The following PHF20 variants were observed in gnomAD, a reference collection of about 807,000 sequenced individuals.
PHF20 encodes the protein glioma-expressed antigen 2.
A neutral mutation model predicts 113.5 loss-of-function variants in PHF20; 23 were observed. The ratio of observed to expected loss-of-function variants is 0.20; its 90% CI spans 0.15 to 0.29. The LOEUF is 0.29. Among genes scored for constraint, PHF20 ranks in the 10% least tolerant of loss-of-function variants. The probability of loss-of-function intolerance (pLI) is 1.00; values close to 1 mark genes in which losing one functional copy is unlikely to be tolerated. For missense variants in PHF20, 943 were observed against 1,219.6 expected, an observed-to-expected ratio of 0.77 and a Z score of 3.38; for synonymous variants, 434 against 457.3, an observed-to-expected ratio of 0.95 and a Z score of 0.65.
chr20:35,907,449 A>G (rs916076666), intron 10 of PHF20, among the ~76,000 whole-genome samples: 1 of 152,190 alleles, frequency 6.6e-6, no homozygotes, highest in African/African-American at 2.4e-5. Context: ...CAGCCAGTAC[A>G]TGCTCTGTGG....
At chr20:35,944,897 C>T (rs750765086) in intron 17 of PHF20, among the ~76,000 whole-genome samples, 6 of 152,116 alleles carry the variant, frequency 3.9e-5, no homozygotes, top group African/African-American at 2.4e-5. Context: ...CTGAACAGTC[C>T]CCTGTCTCCT....
intron 15 of PHF20, among the ~76,000 whole-genome samples, chr20:35,934,339 A>G (rs563683844): frequency 3.5e-4 from 54 of 152,342 alleles, no homozygotes; most frequent in African/African-American, 1.0e-3. Context: ...GACCCCCCAC[A>G]TAGAGGCTCA....
chr20:35,836,275 C>T (rs1307418203), intron 2 of PHF20, among the ~76,000 whole-genome samples: 1 of 152,058 alleles, frequency 6.6e-6, no homozygotes, highest in Non-Finnish European at 1.5e-5. Flanking sequence ...ATCTTGGCCT[C>T]CCAAAGTGCT....
chr20:35,812,555 G>A (rs894462638), intron 2 of PHF20, among the ~76,000 whole-genome samples: 1 of 152,034 alleles, frequency 6.6e-6, no homozygotes, highest in Non-Finnish European at 1.5e-5. Context: ...CTTGTTTCTT[G>A]TATTCTCTTC....
At chr20:35,777,615 A>T (rs187394236) in intron 1 of PHF20, among the ~76,000 whole-genome samples, 68 of 152,342 alleles carry the variant, frequency 4.5e-4, no homozygotes, top group African/African-American at 1.5e-3. Flanking sequence ...CAGGAGTTCA[A>T]GACCAGCCTG....
At chr20:35,877,693 C>T (rs1298488777) in intron 9 of PHF20, among the ~76,000 whole-genome samples, 1 of 151,968 alleles carries the variant, frequency 6.6e-6, no homozygotes, top group Non-Finnish European at 1.5e-5. Flanking sequence ...TCTCCTGCTT[C>T]AGCCTCAGAC....
At chr20:35,901,795 A>G (rs942999384) in intron 10 of PHF20, among the ~76,000 whole-genome samples, 1 of 152,226 alleles carries the variant, frequency 6.6e-6, no homozygotes, top group African/African-American at 2.4e-5. Flanking sequence ...GGACAGAATG[A>G]TGCTTCTGCA....
intron 13 of PHF20, among the ~76,000 whole-genome samples, chr20:35,920,501 CA>C (rs1264765234): frequency 6.6e-6 from 1 of 152,164 alleles, no homozygotes; most frequent in Non-Finnish European, 1.5e-5. Context: ...TTTGGGAAAA[CA>C]AAATTACGAA....
At chr20:35,927,260 G>C (rs1038055900) in intron 13 of PHF20, among the ~76,000 whole-genome samples, 4 of 152,212 alleles carry the variant, frequency 2.6e-5, no homozygotes, top group African/African-American at 9.7e-5. Context: ...TACTCCAGCA[G>C]GGGTCTTAGT....
chr20:35,787,930 A>G (rs1036002804), intron 1 of PHF20, among the ~76,000 whole-genome samples: 3 of 151,564 alleles, frequency 2.0e-5, no homozygotes, highest in African/African-American at 7.3e-5. Context: ...GGCCCTTGGC[A>G]CCACACCCGG....
In PHF20 at chr20:35,931,232, TG is replaced by T. The variant is rs2055746113; in HGVS notation, c.2105-16del. 6.3e-7 allele frequency: 1 copy of T among 1,594,220 alleles called. No homozygotes were observed. Among genetic ancestry groups the T allele is most frequent in the Non-Finnish European group, 8.6e-7 (1 of 1,164,866 alleles). ...CCTTCAGGCCTTGTTTTAACCCTCT[TG>T]TTGTCACTGCTGTAGGTCAGAGGCC... On this transcript the variant is annotated splice_polypyrimidine_tract_variant and intron_variant, in intron 14 of 17. Coordinates refer to ENST00000374012, the MANE Select transcript of PHF20 (RefSeq NM_016436.5).
At chr20:35,827,801 AAGC>A (rs2042289451) in intron 2 of PHF20, among the ~76,000 whole-genome samples, 1 of 150,532 alleles carries the variant, frequency 6.6e-6, no homozygotes, top group Middle Eastern at 3.6e-3. Context: ...AAAAAAAAAA[AAGC>A]AGAAGGCTCT....
At position 35,847,448 on chromosome 20, in the gene PHF20, G is replaced by C; in HGVS notation, c.340+14G>C. ...TTAACAAGGATGGTAAGGCATTTGA[G>C]TTGTAGTTGTTTTTACTCATGACTT... is the stretch of plus-strand genomic sequence containing the variant. On this transcript the variant is annotated intron_variant, in intron 4 of 17. Coordinates refer to ENST00000374012, the MANE Select transcript of PHF20 (RefSeq NM_016436.5). 1.3e-6 allele frequency: 2 copies of C among 1,571,446 alleles called. No homozygotes were observed. The highest frequency in any genetic ancestry group is 1.7e-6 in the Non-Finnish European group (2 of 1,143,576).
intron 9 of PHF20, 140 bp downstream of exon 9, chr20:35,871,969 C>G: frequency 1.9e-6 from 1 of 523,684 alleles, no homozygotes; most frequent in Non-Finnish European, 3.2e-6. Context: ...ATGTTATGCT[C>G]CTTTCATTTC....
chr20:35,881,323 GCTGGGATTAT>G (rs1408230247), intron 9 of PHF20, among the ~76,000 whole-genome samples: 8 of 151,932 alleles, frequency 5.3e-5, no homozygotes, highest in African/African-American at 1.9e-4. Context: ...CTCACAAAGT[GCTGGGATTAT>G]AGGCGTGAGC....
At chr20:35,776,148 G>T (rs2041170645) in intron 1 of PHF20, among the ~76,000 whole-genome samples, 1 of 152,190 alleles carries the variant, frequency 6.6e-6, no homozygotes, top group Non-Finnish European at 1.5e-5. Context: ...TTACTTGAAT[G>T]TGAACATAAT....
rs192681273 is a variant in PHF20 at position 35,847,310 on chromosome 20, G to A, written c.256-40G>A. ...TGTCCTGTATGTCCTGTGAAATTAGGTTGGTAACAGGATCTTTTTTTTTTT... is the reference window on the plus strand; with the variant it reads ...TGTCCTGTATGTCCTGTGAAATTAGATTGGTAACAGGATCTTTTTTTTTTT... On this transcript the variant is annotated intron_variant, in intron 3 of 17. Coordinates refer to ENST00000374012, the MANE Select transcript of PHF20 (RefSeq NM_016436.5). 6 of 1,369,732 alleles carry A rather than the reference G, an allele frequency of 4.4e-6. No individual in the cohort carries two copies. The African/African-American group carries it at 8.7e-5, about 20-fold the overall frequency. The allele number at this position is 1,369,732 out of a possible 1,614,324, so 84.8% of individuals were successfully genotyped here.
chr20:35,913,904 T>C, intron 11 of PHF20, 129 bp from the exon 12 acceptor site: 1 of 830,740 alleles, frequency 1.2e-6, no homozygotes, highest in Non-Finnish European at 1.9e-6. Context: ...TCCACACCTC[T>C]TTTTGGTTGA....
At position 35,935,031 on chromosome 20, in the gene PHF20, T is replaced by A. The variant is rs553014621; in HGVS notation, c.2300+3587T>A. ...TTAGCTATATTTCTTTAAAAAAAAA[T>A]TTTTTTTTTTTAAGAGATGGAGTCT... On this transcript the variant is annotated intron_variant, in intron 15 of 17. Transcript: ENST00000374012. Among the ~76,000 whole-genome samples the A allele has an allele frequency of 2.2e-4, 33 of 147,710 alleles. No individual in the cohort carries two copies. In the South Asian group the frequency reaches 2.6e-3, roughly 11 times the overall value.
Sources: allele counts gnomAD v4.1 joint callset (sites outside exome capture counted in the v4.1 genomes callset), GRCh38; gene constraint gnomAD v4.1.1; transcripts MANE v1.5; gene names NCBI Gene and HGNC (gene_info 2026-07-23, HGNC 2026-07-21).